The following LRRC72 variants were observed in gnomAD, a reference collection of about 807,000 sequenced individuals.
The protein encoded by LRRC72 is leucine-rich repeat-containing protein 72.
In LRRC72, 41 loss-of-function variants were observed where a neutral mutation model predicts 35.8. The ratio of observed to expected loss-of-function variants is 1.15; its 90% CI spans 0.89 to 1.49. LRRC72 has a LOEUF of 1.49. LRRC72 is among the 40% of genes most tolerant of loss of function. LRRC72 has a pLI of 0.00. For missense variants in LRRC72, 389 were observed against 330.7 expected (o/e 1.18, Z -1.37); for synonymous variants, 118 against 119.2 (o/e 0.99, Z 0.07).
intron 7 of LRRC72, among the ~76,000 whole-genome samples, chr7:16,570,742 C>A (rs1257486276): frequency 6.6e-6 from 1 of 152,146 alleles, no homozygotes; most frequent in Non-Finnish European, 1.5e-5. Context: ...ATCGCTTGAA[C>A]CCAGGAGGTG....
At position 16,559,015 on chromosome 7, in the gene LRRC72, T is replaced by A; in HGVS notation, c.427+16T>A. ...AAGATCCTAAGTAACAATTTGCAAT[T>A]TTATATGGCCATAAGTTAAAATAGT... On this transcript the variant is annotated intron_variant, in intron 5 of 8. Transcript: ENST00000401542. 7.1e-7 allele frequency: 1 copy of A among 1,405,906 alleles called. No individual in the cohort carries two copies. The highest frequency in any genetic ancestry group is 9.7e-7 in the Non-Finnish European group (1 of 1,025,814). The allele number at this position is 1,405,906 out of a possible 1,614,324, so 87.1% of individuals were successfully genotyped here.
intron 1 of LRRC72, among the ~76,000 whole-genome samples, chr7:16,527,919 G>A (rs1004837165): frequency 1.3e-5 from 2 of 152,000 alleles, no homozygotes; most frequent in African/African-American, 4.8e-5. Flanking sequence ...AGATCCTCAG[G>A]CATCGGGTGG....
intron 2 of LRRC72, among the ~76,000 whole-genome samples, chr7:16,534,628 G>A (rs975151434): frequency 7.2e-5 from 11 of 151,922 alleles, no homozygotes; most frequent in African/African-American, 2.7e-4. Context: ...GGGTGACAGA[G>A]CGAGACTCAG....
chr7:16,542,199 A>G (rs1249011772), intron 3 of LRRC72, among the ~76,000 whole-genome samples: 2 of 152,046 alleles, frequency 1.3e-5, no homozygotes, highest in African/African-American at 4.8e-5. Flanking sequence ...ACTTCCAACT[A>G]CTCATTGAAT....
At position 16,552,123 on chromosome 7, in the gene LRRC72, G is replaced by T. The variant is rs10228579; in HGVS notation, c.235-5237G>T. The stretch of plus-strand genomic sequence containing the variant: ...CTTCTGTGTTGTGTGTGAGAGCAGA[G>T]GAGAAAATCTGTTTTTTCAACTCAG... On this transcript the variant is annotated intron_variant, in intron 3 of 8. Coordinates refer to ENST00000401542, the MANE Select transcript of LRRC72 (RefSeq NM_001195280.2). 9.8e-3 allele frequency among the ~76,000 whole-genome samples: 1,494 copies of T among 152,260 alleles called. 33 individuals are homozygous for T. The highest frequency in any genetic ancestry group is 0.034 in the African/African-American group (1,427 of 41,534).
intron 2 of LRRC72, among the ~76,000 whole-genome samples, chr7:16,535,758 TA>T (rs1309130594): frequency 6.6e-6 from 1 of 152,254 alleles, no homozygotes; most frequent in Non-Finnish European, 1.5e-5. Context: ...AATTGAGAAG[TA>T]GACGTGATCT....
intron 7 of LRRC72, among the ~76,000 whole-genome samples, chr7:16,572,904 C>G (rs1426214563): frequency 6.6e-6 from 1 of 152,104 alleles, no homozygotes; most frequent in African/African-American, 2.4e-5. Context: ...TTAGAAAACC[C>G]CATTGTCTCA....
chr7:16,567,935 A>G (rs1782878582), intron 7 of LRRC72, among the ~76,000 whole-genome samples: 1 of 152,198 alleles, frequency 6.6e-6, no homozygotes, highest in Non-Finnish European at 1.5e-5. Flanking sequence ...TGAAGAAGAA[A>G]TAAAGATCAT....
chr7:16,548,225 G>A (rs1353533064), intron 3 of LRRC72, among the ~76,000 whole-genome samples: 1 of 152,194 alleles, frequency 6.6e-6, no homozygotes, highest in Non-Finnish European at 1.5e-5. Context: ...CCTTTGTCTT[G>A]CATACCCTCC....
intron 7 of LRRC72, among the ~76,000 whole-genome samples, chr7:16,579,064 C>T (rs916865604): frequency 3.5e-4 from 54 of 152,180 alleles, no homozygotes; most frequent in African/African-American, 1.3e-3. Flanking sequence ...CTATAGTTAG[C>T]CGTATTGTAT....
chr7:16,553,907 T>C (rs1782599916), intron 3 of LRRC72, among the ~76,000 whole-genome samples: 1 of 152,244 alleles, frequency 6.6e-6, no homozygotes, highest in South Asian at 2.1e-4. Flanking sequence ...ATAATAGTCA[T>C]CTATTGAGCA....
chr7:16,542,976 C>T (rs1261016764), intron 3 of LRRC72, among the ~76,000 whole-genome samples: 1 of 152,140 alleles, frequency 6.6e-6, no homozygotes, highest in Non-Finnish European at 1.5e-5. Flanking sequence ...CCCAAAACAG[C>T]TTCTGAGTGG....
chr7:16,576,386 A>T lies in LRRC72; in HGVS notation c.671-3688A>T, dbSNP rs190863539. ...TGAATTATTTTATTGGAAAGAAACT[A>T]CACTTAAAAATGTTTATGAGGCAAT... is the stretch of plus-strand genomic sequence containing the variant. On this transcript the variant is annotated intron_variant, in intron 7 of 8. Coordinates refer to ENST00000401542, the MANE Select transcript of LRRC72 (RefSeq NM_001195280.2). 2.7e-3 allele frequency among the ~76,000 whole-genome samples: 412 copies of T among 152,352 alleles called. 6 individuals carry two copies. The highest frequency in any genetic ancestry group is 9.4e-3 in the African/African-American group (389 of 41,582).
intron 5 of LRRC72, among the ~76,000 whole-genome samples, chr7:16,563,502 T>A (rs1737878234): frequency 6.6e-6 from 1 of 152,192 alleles, no homozygotes; most frequent in African/African-American, 2.4e-5. Flanking sequence ...AGTATTAACC[T>A]ATTGAAAGTG....
chr7:16,578,065 T>C (rs1210759613), intron 7 of LRRC72, among the ~76,000 whole-genome samples: 1 of 152,160 alleles, frequency 6.6e-6, no homozygotes, highest in Non-Finnish European at 1.5e-5. Flanking sequence ...AAAAAATATA[T>C]AGGTATAAGG....
intron 3 of LRRC72, among the ~76,000 whole-genome samples, chr7:16,548,841 G>A (rs766454948): frequency 3.9e-5 from 6 of 152,282 alleles, no homozygotes; most frequent in African/African-American, 7.2e-5. Flanking sequence ...CAAAGATCCC[G>A]CAACACGATC....
At chr7:16,543,415 C>T (rs2128335653) in intron 3 of LRRC72, among the ~76,000 whole-genome samples, 2 of 152,272 alleles carry the variant, frequency 1.3e-5, no homozygotes, top group South Asian at 4.1e-4. Flanking sequence ...AAAGGGAATG[C>T]ATTTTTTTTG....
chr7:16,571,767 C>A (rs1168411471), intron 7 of LRRC72, among the ~76,000 whole-genome samples: 2 of 152,166 alleles, frequency 1.3e-5, no homozygotes, highest in Admixed American at 6.5e-5. Flanking sequence ...AACTGGGCGG[C>A]CATTTGGGCA....
At chr7:16,542,300 T>C (rs192068120) in intron 3 of LRRC72, among the ~76,000 whole-genome samples, 272 of 152,156 alleles carry the variant, frequency 1.8e-3, no homozygotes, top group Admixed American at 3.1e-3. Flanking sequence ...TTTGAAGGGG[T>C]GGGGCAGGAA....
Sources: gnomAD v4.1 joint callset for allele counts (sites outside exome capture counted in the v4.1 genomes callset) on GRCh38, gnomAD v4.1.1 for gene constraint, MANE v1.5 for transcripts, NCBI Gene and HGNC (gene_info 2026-07-23, HGNC 2026-07-21) for gene names.